The following SLC35F1 variants were observed in gnomAD, a reference collection of about 807,000 sequenced individuals.
The protein encoded by SLC35F1 is solute carrier family 35 member F1, also known as chromosome 6 open reading frame 169.
Under a neutral mutation model 48.7 loss-of-function variants are expected in SLC35F1, and 14 were observed. That is an observed-to-expected ratio of 0.29 (90% CI 0.19 to 0.45). The LOEUF (loss-of-function observed/expected upper bound fraction) is 0.45, where lower values mean the gene tolerates loss of function less well. Among genes scored for constraint, SLC35F1 ranks in the 20% least tolerant of loss-of-function variants. The pLI is 1.00. For missense variants in SLC35F1, 404 were observed against 500.0 expected (o/e 0.81, Z 1.83); for synonymous variants, 190 against 202.2 (o/e 0.94, Z 0.51).
intron 7 of SLC35F1, among the ~76,000 whole-genome samples, chr6:118,292,744 C>G (rs1776140422): frequency 3.3e-5 from 5 of 151,324 alleles, no homozygotes. Context: ...TCCCTCCCAT[C>G]ATTCCGCTGT....
At chr6:118,168,410 T>C (rs1275004388) in intron 2 of SLC35F1, among the ~76,000 whole-genome samples, 5 of 152,164 alleles carry the variant, frequency 3.3e-5, no homozygotes, top group Non-Finnish European at 7.3e-5. Context: ...TGGTAAAATT[T>C]AACTTATAAA....
chr6:118,018,933 A>G (rs1777357243), intron 1 of SLC35F1, among the ~76,000 whole-genome samples: 1 of 152,184 alleles, frequency 6.6e-6, no homozygotes, highest in Non-Finnish European at 1.5e-5. Flanking sequence ...GCTTTGTGGC[A>G]ATAGTGCTTG....
At chr6:117,955,595 A>G (rs1222497829) in intron 1 of SLC35F1, among the ~76,000 whole-genome samples, 2 of 152,192 alleles carry the variant, frequency 1.3e-5, no homozygotes, top group Non-Finnish European at 1.5e-5. Flanking sequence ...AAGATTTCCA[A>G]TGCTGTTCCA....
chr6:117,970,059 G>C (rs9387527), intron 1 of SLC35F1, among the ~76,000 whole-genome samples: 3 of 151,970 alleles, frequency 2.0e-5, no homozygotes, highest in African/African-American at 7.2e-5. Context: ...TAGGAAGTTC[G>C]TACATTTTTA....
chr6:118,295,942 G>A (rs1776178975), intron 7 of SLC35F1, among the ~76,000 whole-genome samples: 1 of 152,186 alleles, frequency 6.6e-6, no homozygotes, highest in Admixed American at 6.5e-5. Context: ...GCACTGTTAA[G>A]AGTACAGCCC....
In SLC35F1 at chr6:118,097,314, G is replaced by GTGAA. The variant is rs1161001959; in HGVS notation, c.174-57112_174-57109dup. 1.6e-4 allele frequency among the ~76,000 whole-genome samples: 24 copies of GTGAA among 152,284 alleles called. No homozygotes were observed. In the East Asian group the frequency reaches 1.7e-3, roughly 11 times the overall value. On this transcript the variant is annotated intron_variant, in intron 1 of 7. Coordinates refer to ENST00000360388, the MANE Select transcript of SLC35F1 (RefSeq NM_001029858.4). ...TTCAGTATAGCTTAATAAATGTTGA[G>GTGAA]TGAATGAATGAATGAATGAATGTCT... is the stretch of plus-strand genomic sequence containing the variant.
At chr6:118,188,009 G>T (rs1031083750) in intron 2 of SLC35F1, among the ~76,000 whole-genome samples, 3 of 152,186 alleles carry the variant, frequency 2.0e-5, no homozygotes, top group Non-Finnish European at 4.4e-5. Context: ...GAATGTGATT[G>T]CTTCATTATG....
chr6:117,979,723 G>C (rs1336776090), intron 1 of SLC35F1, among the ~76,000 whole-genome samples: 2 of 152,072 alleles, frequency 1.3e-5, no homozygotes, highest in Non-Finnish European at 2.9e-5. Flanking sequence ...TCATGTAAGA[G>C]GGTCTGTTGT....
intron 1 of SLC35F1, among the ~76,000 whole-genome samples, chr6:118,112,192 G>A (rs1582672018): frequency 6.6e-6 from 1 of 150,432 alleles, no homozygotes; most frequent in African/African-American, 2.4e-5. Flanking sequence ...GCAGTGGCAC[G>A]ATCTCGGCTC....
rs890909661 is a variant in SLC35F1, at chr6:118,315,132, C to T, written c.*880C>T. 14 of 152,522 alleles carry T rather than the reference C, an allele frequency of 9.2e-5. No homozygotes were observed. Among genetic ancestry groups the T allele is most frequent in the Middle Eastern group, 3.4e-3 (1 of 294 alleles). The allele number at this position is 152,522 out of a possible 1,614,324, so 9.4% of individuals were successfully genotyped here. A position where few individuals can be genotyped will look rare whatever the true frequency, so the allele number is the denominator to read the frequency against. On this transcript the variant is annotated 3_prime_UTR_variant, in exon 8 of 8. Transcript: ENST00000360388. ...TCAAAAACTATCTTTTATTTTTTTTCCAGATTTCCTTAGTGATAATATGGA... is the reference window on the plus strand; with the variant it reads ...TCAAAAACTATCTTTTATTTTTTTTTCAGATTTCCTTAGTGATAATATGGA...
chr6:118,280,475 G>C (rs1350304077), intron 6 of SLC35F1, among the ~76,000 whole-genome samples: 1 of 152,042 alleles, frequency 6.6e-6, no homozygotes, highest in Non-Finnish European at 1.5e-5. Context: ...TCTTGGTTTT[G>C]GTTTTAGTGT....
intron 1 of SLC35F1, among the ~76,000 whole-genome samples, chr6:118,064,916 A>G (rs1772591854): frequency 1.3e-5 from 2 of 152,200 alleles, no homozygotes; most frequent in Non-Finnish European, 2.9e-5. Flanking sequence ...CCCAAAACAC[A>G]GGAAACCAAT....
At chr6:117,949,940 G>A (rs1358975711) in intron 1 of SLC35F1, among the ~76,000 whole-genome samples, 1 of 152,110 alleles carries the variant, frequency 6.6e-6, no homozygotes. Context: ...CCATCTGCAG[G>A]TCTAGAATCG....
Position 118,315,636 on chromosome 6 carries a change from T to C in SLC35F1, c.*1384T>C, listed in dbSNP as rs944946474. 9 of 152,172 alleles carry C rather than the reference T, an allele frequency of 5.9e-5. No homozygotes were observed. Among genetic ancestry groups the C allele is most frequent in the African/African-American group, 1.9e-4 (8 of 41,512 alleles). 9.4% of individuals were successfully genotyped at this position (152,172 alleles called of 1,614,324 possible). On this transcript the variant is annotated 3_prime_UTR_variant, in exon 8 of 8. Coordinates refer to ENST00000360388, the MANE Select transcript of SLC35F1 (RefSeq NM_001029858.4). ...TTGTATTTTTAGTAGAGATGGGGTTTCACCGTGTTAGCCAGGATGGTCTCG... is the reference window on the plus strand; with the variant it reads ...TTGTATTTTTAGTAGAGATGGGGTTCCACCGTGTTAGCCAGGATGGTCTCG...
chr6:118,310,033 A>G (rs1776355200), intron 7 of SLC35F1, among the ~76,000 whole-genome samples: 1 of 152,258 alleles, frequency 6.6e-6, no homozygotes, highest in Non-Finnish European at 1.5e-5. Context: ...CAGTGTCTGC[A>G]GTATGATCCT....
intron 6 of SLC35F1, among the ~76,000 whole-genome samples, chr6:118,280,239 A>T (rs1055290950): frequency 6.6e-6 from 1 of 152,186 alleles, no homozygotes; most frequent in Admixed American, 6.5e-5. Context: ...GGGGAGCAGG[A>T]ATGTTAGAGT....
At chr6:118,031,236 A>G (rs1322626073) in intron 1 of SLC35F1, among the ~76,000 whole-genome samples, 1 of 152,150 alleles carries the variant, frequency 6.6e-6, no homozygotes, top group Non-Finnish European at 1.5e-5. Flanking sequence ...TATCCCTTAC[A>G]TCTGAACTTA....
chr6:118,029,849 G>A (rs1772019782), intron 1 of SLC35F1, among the ~76,000 whole-genome samples: 1 of 152,138 alleles, frequency 6.6e-6, no homozygotes, highest in East Asian at 1.9e-4. Flanking sequence ...CCTAAAGAGG[G>A]GAACTATAGT....
chr6:118,238,268 G>A lies in SLC35F1; in HGVS notation c.477+2632G>A, dbSNP rs766542178. 4.0e-4 allele frequency among the ~76,000 whole-genome samples: 61 copies of A among 151,912 alleles called. 1 individual carries two copies. Among genetic ancestry groups the A allele is most frequent in the Non-Finnish European group, 8.1e-4 (55 of 67,984 alleles). ...AGGATGCTTTCAAATTATGAATAAC[G>A]GAAAGCCCAGCAGAAACTGTCTTTT... On this transcript the variant is annotated intron_variant, in intron 3 of 7. Coordinates refer to ENST00000360388, the MANE Select transcript of SLC35F1 (RefSeq NM_001029858.4).
Sources: allele counts gnomAD v4.1 joint callset (sites outside exome capture counted in the v4.1 genomes callset), GRCh38; gene constraint gnomAD v4.1.1; transcripts MANE v1.5; gene names NCBI Gene and HGNC (gene_info 2026-07-23, HGNC 2026-07-21).